Variants in OCA2 observed in about 807,000 individuals in gnomAD.
OCA2 encodes the protein OCA2 melanosomal transmembrane protein, also known as P protein.
Under a neutral mutation model 100.2 loss-of-function variants are expected in OCA2, and 77 were observed. The observed-to-expected ratio is 0.77, with a 90% CI of 0.64 to 0.93. The LOEUF (loss-of-function observed/expected upper bound fraction) is 0.93. Ranked by LOEUF, OCA2 falls within the 40% of genes least tolerant of loss-of-function variation. The pLI is 0.00. For synonymous variants in OCA2, 432 were observed against 439.2 expected, an observed-to-expected ratio of 0.98 and a Z score of 0.21; for missense variants, 1,062 against 1,089.1, an observed-to-expected ratio of 0.98 and a Z score of 0.35.
At chr15:27,931,525 G>A (rs1022322885) in intron 18 of OCA2, among the ~76,000 whole-genome samples, 2 of 151,864 alleles carry the variant, frequency 1.3e-5, no homozygotes, top group Admixed American at 6.6e-5. Flanking sequence ...TAGCAGAGAC[G>A]GGGTTTCACC....
chr15:27,948,594 T>A (rs999203034), intron 18 of OCA2, among the ~76,000 whole-genome samples: 2 of 152,100 alleles, frequency 1.3e-5, no homozygotes, highest in Non-Finnish European at 2.9e-5. Flanking sequence ...GCCTCCCAAG[T>A]AGCTGAGACT....
chr15:27,723,062 C>T, the OCA2 span, among the ~76,000 whole-genome samples: 1 of 151,924 alleles, frequency 6.6e-6, no homozygotes, highest in South Asian at 2.1e-4. Context: ...AGGCTGGTCT[C>T]AAACTACTGA....
chr15:27,927,542 T>C (rs778976916), intron 18 of OCA2, among the ~76,000 whole-genome samples: 6 of 152,226 alleles, frequency 3.9e-5, no homozygotes, highest in African/African-American at 7.2e-5. Context: ...GTTGGATATA[T>C]GATAGCTTAA....
downstream of OCA2, among the ~76,000 whole-genome samples, chr15:27,751,553 T>G (rs2030065639): frequency 6.6e-6 from 1 of 152,238 alleles, no homozygotes; most frequent in Non-Finnish European, 1.5e-5. Context: ...GATTCGCTGC[T>G]CTGACCCATT....
At chr15:27,986,561 A>G in intron 12 of OCA2, 26 bp downstream of exon 12, 1 of 1,394,104 alleles carries the variant, frequency 7.2e-7, no homozygotes, top group Non-Finnish European at 1.0e-6. Flanking sequence ...TCAGGATAGA[A>G]TTATTAAATG....
At chr15:27,986,461 C>T (rs1167487833) in intron 12 of OCA2, 126 bp downstream of exon 12, 3 of 736,000 alleles carry the variant, frequency 4.1e-6, no homozygotes, top group Non-Finnish European at 7.0e-6. Flanking sequence ...GCAGAAGCAA[C>T]CTTTAAAAGA....
intron 18 of OCA2, among the ~76,000 whole-genome samples, chr15:27,937,237 G>T (rs2039489002): frequency 6.6e-6 from 1 of 152,178 alleles, no homozygotes; most frequent in South Asian, 2.1e-4. Context: ...ATCCAGTCAT[G>T]TAATACGTTC....
At chr15:28,035,105 G>A (rs2043011366) in intron 2 of OCA2, among the ~76,000 whole-genome samples, 1 of 152,036 alleles carries the variant, frequency 6.6e-6, no homozygotes, top group African/African-American at 2.4e-5. Flanking sequence ...AGGAAAATTA[G>A]AAATGGGGAA....
chr15:27,942,218 TATG>T (rs1453841507), intron 18 of OCA2, among the ~76,000 whole-genome samples: 1 of 148,540 alleles, frequency 6.7e-6, no homozygotes, highest in Non-Finnish European at 1.5e-5. Context: ...ATATATAATA[TATG>T]ATATTATATA....
At chr15:28,007,164 G>A (rs1257842835) in intron 9 of OCA2, among the ~76,000 whole-genome samples, 1 of 152,198 alleles carries the variant, frequency 6.6e-6, no homozygotes, top group African/African-American at 2.4e-5. Flanking sequence ...AGCTGTGGTG[G>A]CAATCCTTCT....
intron 19 of OCA2, chr15:27,895,852 G>T: frequency 1.8e-6 from 1 of 541,892 alleles, no homozygotes; most frequent in South Asian, 2.0e-5. Context: ...CCAAATACAG[G>T]ATGATAGTTT....
At position 27,918,218 on chromosome 15, in the gene OCA2, C is replaced by T. The variant is rs564174162; in HGVS notation, c.2079+7909G>A. Among the ~76,000 whole-genome samples the T allele has an allele frequency of 4.0e-4, 61 of 151,632 alleles. 1 individual carries two copies. Among genetic ancestry groups the T allele is most frequent in the South Asian group, 1.7e-3 (8 of 4,786 alleles). On this transcript the variant is annotated intron_variant, in intron 19 of 23. Coordinates refer to ENST00000354638, the MANE Select transcript of OCA2 (RefSeq NM_000275.3). The stretch of plus-strand genomic sequence containing the variant: ...AAGTGATTCTCCTGTCTCAGCCTCC[C>T]GAGTATCTGGGATTGGCTAATTATT...
At position 27,829,380 on chromosome 15, in the gene OCA2, C is replaced by T. The variant is rs182627599; in HGVS notation, c.2432+15579G>A. On this transcript the variant is annotated intron_variant, in intron 23 of 23. Transcript: ENST00000354638. The stretch of plus-strand genomic sequence containing the variant: ...AGGACACAGAGCATACACCTAAGGA[C>T]CTGGTGGGAGTCAACCACACCTCAC... Among the ~76,000 whole-genome samples the T allele has an allele frequency of 1.7e-3, 254 of 152,280 alleles. 1 individual carries two copies. Among genetic ancestry groups the T allele is most frequent in the Admixed American group, 3.6e-3 (55 of 15,294 alleles).
intron 2 of OCA2, among the ~76,000 whole-genome samples, chr15:28,080,421 T>A (rs2044582644): frequency 2.0e-5 from 3 of 152,158 alleles, no homozygotes; most frequent in Admixed American, 2.0e-4. Context: ...ATAATGAAAT[T>A]CTATGCAAGG....
At chr15:27,788,464 G>T (rs999897554) in intron 23 of OCA2, among the ~76,000 whole-genome samples, 3 of 152,002 alleles carry the variant, frequency 2.0e-5, no homozygotes, top group African/African-American at 7.2e-5. Flanking sequence ...TTCTTCTCTA[G>T]TAGTATTTTC....
rs1566948930 is a variant in OCA2, at chr15:27,770,840, CTT to C, written c.2433-15370_2433-15369del. On this transcript the variant is annotated intron_variant, in intron 23 of 23. Coordinates refer to ENST00000354638, the MANE Select transcript of OCA2 (RefSeq NM_000275.3). ...TCCCTTCCATTCTTCCTTCCTCCCT[CTT>C]TTCCTTCCTTCCTTTCTTCCTTCCT... Among the ~76,000 whole-genome samples, 11 of 126,874 alleles carry C rather than the reference CTT, an allele frequency of 8.7e-5. No individual in the cohort carries two copies. The East Asian group carries it at 3.5e-3, about 41-fold the overall frequency. The allele number at this position is 126,874 out of a possible 152,430, so 83.2% of individuals were successfully genotyped here.
At position 28,072,589 on chromosome 15, in the gene OCA2, C is replaced by CAAAA. The variant is rs760224063; in HGVS notation, c.227+9055_227+9058dup. ...TGGGCGACAGAGCAAGATTCCGTCT[C>CAAAA]AAAAAAAAAAAAAAAAAAAACAAGT... On this transcript the variant is annotated intron_variant, in intron 2 of 23. Transcript: ENST00000354638. Among the ~76,000 whole-genome samples the CAAAA allele has an allele frequency of 5.6e-3, 333 of 59,944 alleles. 6 individuals are homozygous for CAAAA. Among genetic ancestry groups the CAAAA allele is most frequent in the African/African-American group, 0.013 (266 of 20,488 alleles). 39.3% of individuals were successfully genotyped at this position (59,944 alleles called of 152,430 possible).
At chr15:27,989,228 T>C (rs954962849) in intron 11 of OCA2, among the ~76,000 whole-genome samples, 1 of 152,308 alleles carries the variant, frequency 6.6e-6, no homozygotes, top group African/African-American at 2.4e-5. Context: ...AACTAATACT[T>C]AGGAGTGACA....
chr15:27,890,455 G>T (rs2037409891), intron 19 of OCA2, among the ~76,000 whole-genome samples: 1 of 152,180 alleles, frequency 6.6e-6, no homozygotes, highest in South Asian at 2.1e-4. Context: ...AACCTTGAAT[G>T]CAGCCAGAAA....
Sources: gnomAD v4.1 joint callset for allele counts (sites outside exome capture counted in the v4.1 genomes callset) on GRCh38, gnomAD v4.1.1 for gene constraint, MANE v1.5 for transcripts, NCBI Gene and HGNC (gene_info 2026-07-23, HGNC 2026-07-21) for gene names.